Variants in USP20 observed in about 807,000 individuals in gnomAD.
The protein encoded by USP20 is ubiquitin specific peptidase 20.
In USP20, 80 loss-of-function variants were observed where a neutral mutation model predicts 124.2. The observed-to-expected ratio is 0.64, with a 90% CI of 0.54 to 0.78. The LOEUF (loss-of-function observed/expected upper bound fraction) is 0.78, where lower values mean the gene tolerates loss of function less well. Ranked by LOEUF, USP20 falls within the 30% of genes least tolerant of loss-of-function variation. The pLI is 0.00. For missense variants in USP20, 1,043 were observed against 1,244.4 expected (o/e 0.84, Z 2.44); for synonymous variants, 481 against 512.3 (o/e 0.94, Z 0.83).
intron 4 of USP20, among the ~76,000 whole-genome samples, chr9:129,857,175 C>T (rs976753680): frequency 2.6e-5 from 4 of 152,210 alleles, no homozygotes; most frequent in African/African-American, 9.6e-5. Flanking sequence ...CTGCTCAGCC[C>T]TGTCACTCAG....
At chr9:129,864,254 A>C (rs1313138776) in intron 9 of USP20, among the ~76,000 whole-genome samples, 1 of 149,930 alleles carries the variant, frequency 6.7e-6, no homozygotes, top group Non-Finnish European at 1.5e-5. Flanking sequence ...GAATCATTTG[A>C]GCCTAGGAGT....
rs1452577320 is a variant in USP20 at position 129,870,500 on chromosome 9, C to A, written c.1613C>A (p.Thr538Asn). Residue 538 changes from threonine to asparagine, a missense_variant, in exon 15 of 26, where the codon ACC (threonine) becomes AAC (asparagine). Thr to Asn is a moderately conservative substitution (Grantham distance 65). Coordinates refer to ENST00000372429, the MANE Select transcript of USP20 (RefSeq NM_001110303.4). The part of the protein sequence containing the change: ...TPSWFWGPVV[T>N]LEDCLAAFFA... ...AGCTGGTTTTGGGGGCCTGTCGTCA[C>A]CCTGGAAGACTGCCTTGCTGCCTTC... 7.4e-6 allele frequency: 12 copies of A among 1,614,196 alleles called. No homozygotes were observed. The African/African-American group carries it at 1.5e-4, about 20-fold the overall frequency.
rs933026067 is a variant in USP20, at chr9:129,879,134, G to A, written c.2513-439G>A. On this transcript the variant is annotated intron_variant, in intron 23 of 25. Transcript: ENST00000372429. This position sits in a 1 kb window ranked among gnomAD's most constrained non-coding sequence, Gnocchi z 4.2. ...TGGCTGTGGTTGAGAATGTAGCTCC[G>A]GAGCCCTCGCCCTGGCCTGGACGCT... is the stretch of plus-strand genomic sequence containing the variant. Among the ~76,000 whole-genome samples, 7 of 152,256 alleles carry A rather than the reference G, an allele frequency of 4.6e-5. No homozygotes were observed. The highest frequency in any genetic ancestry group is 8.8e-5 in the Non-Finnish European group (6 of 68,044).
intron 1 of USP20, among the ~76,000 whole-genome samples, chr9:129,847,919 A>G (rs1214746480): frequency 7.4e-6 from 1 of 135,516 alleles, no homozygotes; most frequent in East Asian, 2.1e-4. Context: ...TTTTTTGCTC[A>G]GTTTAATGTT....
At chr9:129,873,382 C>A in intron 15 of USP20, 100 bp from the exon 16 acceptor site, 2 of 1,482,616 alleles carry the variant, frequency 1.3e-6, no homozygotes, top group Non-Finnish European at 1.9e-6. Context: ...CCATGCCCAG[C>A]CAGGTTTTAT....
intron 15 of USP20, 90 bp downstream of exon 15, chr9:129,870,637 G>A: frequency 7.1e-7 from 1 of 1,411,706 alleles, no homozygotes; most frequent in South Asian, 1.2e-5. Context: ...GCAGCCCAGG[G>A]CTTGTGGGAT....
chr9:129,873,290 G>C (rs2034220552), intron 15 of USP20, among the ~76,000 whole-genome samples, 192 bp from the exon 16 acceptor site: 1 of 151,878 alleles, frequency 6.6e-6, no homozygotes, highest in Non-Finnish European at 1.5e-5. Flanking sequence ...CGCCATGTTG[G>C]CCAGGCTGGC....
Position 129,867,859 on chromosome 9 carries a change from C to T in USP20, c.691-146C>T. ...GGTTAGGACAGACTGCCATGGGAGG[C>T]CGCTGTGGGGGTGAGCAACTCTTCT... On this transcript the variant is annotated intron_variant, in intron 10 of 25. Coordinates refer to ENST00000372429, the MANE Select transcript of USP20 (RefSeq NM_001110303.4). 4 of 953,364 alleles carry T rather than the reference C, an allele frequency of 4.2e-6. No individual in the cohort carries two copies. In the South Asian group the frequency reaches 5.2e-5, roughly 12 times the overall value. The allele number at this position is 953,364 out of a possible 1,614,324, so 59.1% of individuals were successfully genotyped here.
intron 14 of USP20, 30 bp downstream of exon 14, chr9:129,869,874 A>G (rs763511733): frequency 1.5e-5 from 23 of 1,497,752 alleles, no homozygotes; most frequent in Middle Eastern, 1.8e-4. Context: ...ACTGGGCGAC[A>G]TGGGCTGGGC....
intron 1 of USP20, among the ~76,000 whole-genome samples, chr9:129,842,390 G>T (rs1048773876): frequency 6.6e-6 from 1 of 152,086 alleles, no homozygotes; most frequent in African/African-American, 2.4e-5. Flanking sequence ...GTACCCTGAG[G>T]TTGAAGTATG....
intron 2 of USP20, among the ~76,000 whole-genome samples, chr9:129,851,909 T>A (rs1453360780): frequency 3.9e-5 from 6 of 152,180 alleles, no homozygotes; most frequent in African/African-American, 1.4e-4. Context: ...CCTTTCTCTC[T>A]GACTTTCTCC....
intron 3 of USP20, among the ~76,000 whole-genome samples, chr9:129,855,445 A>G (rs1264324047): frequency 1.3e-5 from 2 of 152,010 alleles, no homozygotes; most frequent in African/African-American, 2.4e-5. Context: ...CAAAAAAAAA[A>G]AAGAAGTTTC....
Position 129,852,572 on chromosome 9 carries a change from A to T in USP20, c.17A>T (p.Asp6Val), listed in dbSNP as rs1240913749. The T allele has an allele frequency of 1.6e-5, 25 of 1,598,034 alleles. No homozygotes were observed. Among genetic ancestry groups the T allele is most frequent in the Non-Finnish European group, 2.1e-5 (25 of 1,171,730 alleles). The change falls in exon 3 of 26, where the codon GAC becomes GTC. Residue 6 changes from aspartate to valine, a missense_variant. Physicochemically the swap from Asp to Val is radical, Grantham distance 152. Coordinates refer to ENST00000372429, the MANE Select transcript of USP20 (RefSeq NM_001110303.4). ...CAGGCCAGGATGGGGGACTCCAGGG[A>T]CCTTTGCCCTCACCTTGACTCCATA... MGDSR[D>V]LCPHLDSIGE...
At chr9:129,843,473 C>G (rs954517293) in intron 1 of USP20, among the ~76,000 whole-genome samples, 1 of 151,898 alleles carries the variant, frequency 6.6e-6, no homozygotes, top group African/African-American at 2.4e-5. Flanking sequence ...CAGTGACTCA[C>G]GCCTGTAATC....
chr9:129,871,525 T>C (rs188230043), intron 15 of USP20, among the ~76,000 whole-genome samples: 18 of 152,270 alleles, frequency 1.2e-4, no homozygotes, highest in Non-Finnish European at 2.5e-4. Context: ...TTTGGGTCTA[T>C]GCCTATTTTT....
At chr9:129,865,243 T>C in intron 9 of USP20, 60 bp from the exon 10 acceptor site, 1 of 1,579,554 alleles carries the variant, frequency 6.3e-7, no homozygotes, top group Non-Finnish European at 8.7e-7. Flanking sequence ...TGCCTGCTTC[T>C]CTCGGGAATG....
rs758925067 is a variant in USP20 at position 129,878,404 on chromosome 9, C to T, written c.2476C>T (p.Arg826Trp). Residue 826 changes from arginine to tryptophan, a missense_variant, in exon 23 of 26, where the codon CGG (arginine) becomes TGG (tryptophan). By Grantham distance (101) the Arg-to-Trp change is moderately radical. Coordinates refer to ENST00000372429, the MANE Select transcript of USP20 (RefSeq NM_001110303.4). Reference protein sequence around the residue: ...VIYCISMQWFREWEAFVKGKD... With the variant: ...VIYCISMQWFWEWEAFVKGKD... ...CTACTGCATCAGCATGCAGTGGTTC[C>T]GGGAGTGGGAGGCGTTCGTCAAGGG... 3 of 1,610,300 alleles carry T rather than the reference C, an allele frequency of 1.9e-6. No individual in the cohort carries two copies. The highest frequency in any genetic ancestry group is 4.5e-5 in the East Asian group (2 of 44,756).
chr9:129,861,283 G>C (rs2033533168), intron 7 of USP20, among the ~76,000 whole-genome samples: 2 of 152,212 alleles, frequency 1.3e-5, no homozygotes, highest in African/African-American at 4.8e-5. Context: ...CCCCTCTGCT[G>C]TATGGTCTGG....
At chr9:129,861,069 GGGCTGGGGGCCCTCATCTGGA>G in intron 7 of USP20, 36 bp downstream of exon 7, 2 of 1,597,086 alleles carry the variant, frequency 1.3e-6, no homozygotes, top group East Asian at 4.5e-5. Flanking sequence ...CTGATGGGCT[GGGCTGGGGGCCCTCATCTGGA>G]GGCTGGAAAC....
Sources: allele counts gnomAD v4.1 joint callset (sites outside exome capture counted in the v4.1 genomes callset), GRCh38; gene constraint gnomAD v4.1.1; non-coding constraint Gnocchi (gnomAD v3.1); transcripts MANE v1.5; gene names NCBI Gene and HGNC (gene_info 2026-07-23, HGNC 2026-07-21).